Variants in EPB41L4A observed in about 807,000 individuals in gnomAD.
The protein encoded by EPB41L4A is band 4.1-like protein 4A.
In EPB41L4A, 100 loss-of-function variants were observed where a neutral mutation model predicts 108.6. The ratio of observed to expected loss-of-function variants is 0.92; its 90% CI spans 0.78 to 1.09. The LOEUF is 1.09. EPB41L4A is among the 50% of genes least tolerant of loss of function. The pLI, the probability that EPB41L4A is intolerant of heterozygous loss-of-function variation, is 0.00. For missense variants in EPB41L4A, 1,030 were observed against 842.7 expected (o/e 1.22, Z -2.75); for synonymous variants, 319 against 289.0 (o/e 1.10, Z -1.05).
chr5:112,214,847 C>T (rs1410998657), intron 12 of EPB41L4A, among the ~76,000 whole-genome samples: 3 of 152,102 alleles, frequency 2.0e-5, no homozygotes, highest in Admixed American at 2.0e-4. Flanking sequence ...CAATTCTTTA[C>T]TTTCTAGATA....
intron 2 of EPB41L4A, among the ~76,000 whole-genome samples, chr5:112,304,542 T>C (rs1201490559): frequency 1.3e-5 from 2 of 152,186 alleles, no homozygotes; most frequent in African/African-American, 2.4e-5. Flanking sequence ...TATTGAGATA[T>C]CACATTTATA....
intron 1 of EPB41L4A, among the ~76,000 whole-genome samples, chr5:112,416,825 T>C (rs1762741748): frequency 6.6e-6 from 1 of 152,232 alleles, no homozygotes; most frequent in African/African-American, 2.4e-5. Flanking sequence ...TGAATACCTC[T>C]ACATGCAAGT....
intron 1 of EPB41L4A, among the ~76,000 whole-genome samples, chr5:112,384,285 GATAAT>G: frequency 6.6e-6 from 1 of 152,212 alleles, no homozygotes; most frequent in South Asian, 2.1e-4. Flanking sequence ...AACAAAAGAT[GATAAT>G]ATAGATGACT....
chr5:112,176,744 T>C (rs1561451077), intron 18 of EPB41L4A, among the ~76,000 whole-genome samples: 3 of 15,428 alleles, frequency 1.9e-4, no homozygotes. Flanking sequence ...CCAGAGCAAC[T>C]TTTTTTTTTT....
intron 1 of EPB41L4A, among the ~76,000 whole-genome samples, chr5:112,308,138 A>G (rs1332791977): frequency 6.6e-6 from 1 of 152,174 alleles, no homozygotes; most frequent in African/African-American, 2.4e-5. Flanking sequence ...TACTACATAT[A>G]CAGATTCTTT....
At chr5:112,326,783 A>G (rs1756191715) in intron 1 of EPB41L4A, among the ~76,000 whole-genome samples, 1 of 150,430 alleles carries the variant, frequency 6.6e-6, no homozygotes. Context: ...GAATCAATCA[A>G]ATGACTAATA....
intron 6 of EPB41L4A, 56 bp from the exon 7 acceptor site, chr5:112,262,637 G>T (rs558031583): frequency 1.5e-6 from 2 of 1,367,818 alleles, no homozygotes; most frequent in South Asian, 1.2e-5. Flanking sequence ...TGCACTTACA[G>T]GGATGCAAAC....
In EPB41L4A at chr5:112,245,106, C is replaced by CAA. The variant is rs201980289; in HGVS notation, c.796-4298_796-4297dup. 4.4e-3 allele frequency among the ~76,000 whole-genome samples: 453 copies of CAA among 104,098 alleles called. 2 individuals carry two copies. The highest frequency in any genetic ancestry group is 0.017 in the Middle Eastern group (3 of 172). The allele number at this position is 104,098 out of a possible 152,430, so 68.3% of individuals were successfully genotyped here. On this transcript the variant is annotated intron_variant, in intron 9 of 22. Transcript: ENST00000261486. Reference sequence around the variant, plus strand: ...CTGCAAAGCACAATAAAGTGAAGTGCAAAAAAAAAAAAAAGATATGCCTGT... The same window carrying CAA: ...CTGCAAAGCACAATAAAGTGAAGTGCAAAAAAAAAAAAAAAAGATATGCCTGT...
intron 1 of EPB41L4A, among the ~76,000 whole-genome samples, chr5:112,391,251 G>C (rs1266675983): frequency 6.6e-6 from 1 of 152,216 alleles, no homozygotes; most frequent in Non-Finnish European, 1.5e-5. Context: ...GTAGGCTTCA[G>C]AAGGCTGGTA....
At chr5:112,369,534 C>G (rs751564167) in intron 1 of EPB41L4A, among the ~76,000 whole-genome samples, 14 of 152,194 alleles carry the variant, frequency 9.2e-5, no homozygotes, top group Non-Finnish European at 2.1e-4. Flanking sequence ...TTGGTCTTCA[C>G]TCTCTCAATT....
In EPB41L4A at chr5:112,314,523, AAAAAAAAAAAAAAAAG is replaced by A. The variant is rs1318804019; in HGVS notation, c.100-7049_100-7034del. Among the ~76,000 whole-genome samples the A allele has an allele frequency of 2.4e-4, 32 of 130,950 alleles. No homozygotes were observed. In the South Asian group the frequency reaches 4.8e-3, roughly 19 times the overall value. The allele number at this position is 130,950 out of a possible 152,430, so 85.9% of individuals were successfully genotyped here. On this transcript the variant is annotated intron_variant, in intron 1 of 22. Transcript: ENST00000261486. ...TCGCTACTAAAAAAAAAAAAAAAAA[AAAAAAAAAAAAAAAAG>A]AAAAGAAATTAGCCAAGCATGATGG...
intron 9 of EPB41L4A, among the ~76,000 whole-genome samples, chr5:112,249,391 T>C (rs1388672683): frequency 1.3e-5 from 2 of 152,170 alleles, no homozygotes; most frequent in South Asian, 2.1e-4. Flanking sequence ...GGAAGGCAAG[T>C]AGTCAAACTG....
In EPB41L4A at chr5:112,280,561, G is replaced by A. The variant is rs138558828; in HGVS notation, c.205-238C>T. Among the ~76,000 whole-genome samples, 875 of 152,214 alleles carry A rather than the reference G, an allele frequency of 5.7e-3. 2 individuals are homozygous for A. Among genetic ancestry groups the A allele is most frequent in the Middle Eastern group, 0.014 (4 of 294 alleles). ...TCCCAGCACTTTGGGAGGCAGGGGA[G>A]GAAGGACTGCTTGAGGCCAGAAGTT... On this transcript the variant is annotated intron_variant, in intron 2 of 22. Coordinates refer to ENST00000261486, the MANE Select transcript of EPB41L4A (RefSeq NM_022140.5).
At chr5:112,392,540 C>G (rs1223902074) in intron 1 of EPB41L4A, among the ~76,000 whole-genome samples, 1 of 151,548 alleles carries the variant, frequency 6.6e-6, no homozygotes, top group Non-Finnish European at 1.5e-5. Context: ...GAAGAGCTAA[C>G]TATCCTAAAT....
intron 18 of EPB41L4A, 71 bp from the exon 19 acceptor site, chr5:112,171,063 T>C (rs978971236): frequency 3.1e-5 from 42 of 1,335,180 alleles, no homozygotes; most frequent in Non-Finnish European, 3.6e-5. Flanking sequence ...CTAACTTTAA[T>C]AGTTTTCAGA....
chr5:112,210,219 TTAAAAC>T lies in EPB41L4A; in HGVS notation c.1088-243_1088-238del, dbSNP rs1762669571. Reference sequence around the variant, plus strand: ...GAGTCTAGGCTATTTTTTTCAGACTTTAAAACTAAGTCTCCACATCTTTAGATGTTA... The same window carrying T: ...GAGTCTAGGCTATTTTTTTCAGACTTTAAGTCTCCACATCTTTAGATGTTA... On this transcript the variant is annotated intron_variant, in intron 12 of 22. Coordinates refer to ENST00000261486, the MANE Select transcript of EPB41L4A (RefSeq NM_022140.5). The T allele has an allele frequency of 9.3e-6, 3 of 323,230 alleles. No individual in the cohort carries two copies. In the South Asian group the frequency reaches 2.0e-4, roughly 22 times the overall value. The allele number at this position is 323,230 out of a possible 1,614,324, so 20.0% of individuals were successfully genotyped here. A position where few individuals can be genotyped will look rare whatever the true frequency, so the allele number is the denominator to read the frequency against.
chr5:112,215,665 A>C (rs1005342977), intron 12 of EPB41L4A, among the ~76,000 whole-genome samples: 11 of 146,880 alleles, frequency 7.5e-5, no homozygotes, highest in African/African-American at 2.5e-4. Context: ...CGGGAGGGTG[A>C]GGCAGGAGAA....
At chr5:112,177,527 C>T (rs1010402467) in intron 18 of EPB41L4A, among the ~76,000 whole-genome samples, 7 of 152,152 alleles carry the variant, frequency 4.6e-5, no homozygotes, top group Non-Finnish European at 1.0e-4. Flanking sequence ...AAGCCATGGA[C>T]ATATATCAGG....
chr5:112,148,763 C>T (rs946783477), intron 12 of EPB41L4A, among the ~76,000 whole-genome samples: 3 of 152,046 alleles, frequency 2.0e-5, no homozygotes, highest in African/African-American at 7.3e-5. Context: ...CATTATTTTG[C>T]TTTTTAATAT....
Sources: allele counts gnomAD v4.1 joint callset (sites outside exome capture counted in the v4.1 genomes callset), GRCh38; gene constraint gnomAD v4.1.1; transcripts MANE v1.5; gene names NCBI Gene and HGNC (gene_info 2026-07-23, HGNC 2026-07-21).